The following IQUB variants were observed in gnomAD, a reference collection of about 807,000 sequenced individuals.
IQUB encodes the protein IQ motif and ubiquitin-like domain-containing protein.
In IQUB, 86 loss-of-function variants were observed where a neutral mutation model predicts 86.4. The ratio of observed to expected loss-of-function variants is 1.00; its 90% confidence interval spans 0.84 to 1.19. The LOEUF (loss-of-function observed/expected upper bound fraction) is 1.19, where lower values mean the gene tolerates loss of function less well. Ranked by LOEUF, IQUB falls within the 50% of genes most tolerant of loss-of-function variation. The probability of loss-of-function intolerance (pLI) is 0.00; values close to 1 mark genes in which losing one functional copy is unlikely to be tolerated. For synonymous variants in IQUB, 289 were observed against 304.5 expected, an observed-to-expected ratio of 0.95 and a Z score of 0.53; for missense variants, 946 against 916.9, an observed-to-expected ratio of 1.03 and a Z score of -0.41.
chr7:123,493,857 C>G (rs57674589), intron 7 of IQUB, among the ~76,000 whole-genome samples: 1 of 146,698 alleles, frequency 6.8e-6, no homozygotes, highest in African/African-American at 2.5e-5. Flanking sequence ...CACATATTTG[C>G]CAAAAACTAG....
chr7:123,496,744 T>C lies in IQUB; in HGVS notation c.1186A>G (p.Asn396Asp), dbSNP rs1455536136. ...WIKLDYHRRHNPKTNEDFEFL... is the reference protein window; with the variant it reads ...WIKLDYHRRHDPKTNEDFEFL... ...TCAAAATCTTCATTTGTTTTAGGATTATGCCTCCGGTGATAGTCCAATTTT... is the reference window on the plus strand; with the variant it reads ...TCAAAATCTTCATTTGTTTTAGGATCATGCCTCCGGTGATAGTCCAATTTT... Residue 396 changes from asparagine (N) to aspartate (D), a missense_variant, in exon 7 of 13, where the codon AAT becomes GAT. Transcript: ENST00000324698. 2 of 1,611,388 alleles carry C rather than the reference T, an allele frequency of 1.2e-6. No individual in the cohort carries two copies. The highest frequency in any genetic ancestry group is 1.7e-6 in the Non-Finnish European group (2 of 1,178,268).
chr7:123,527,541 C>T (rs2117372915), intron 1 of IQUB, among the ~76,000 whole-genome samples: 1 of 152,240 alleles, frequency 6.6e-6, no homozygotes, highest in South Asian at 2.1e-4. Context: ...ACAGACAGGA[C>T]CCTCGGCTGC....
intron 7 of IQUB, among the ~76,000 whole-genome samples, chr7:123,482,428 A>G (rs11976833): frequency 0.36 from 53,993 of 151,820 alleles, 9,698 homozygotes; most frequent in African/African-American, 0.36. Context: ...TCATATTGTA[A>G]TAGAAACCAG....
At chr7:123,477,282 C>T (rs536124021) in intron 8 of IQUB, among the ~76,000 whole-genome samples, 16 of 152,200 alleles carry the variant, frequency 1.1e-4, no homozygotes, top group African/African-American at 2.9e-4. Flanking sequence ...AGAAATAACA[C>T]GACACATCCA....
intron 3 of IQUB, 75 bp from the exon 4 acceptor site, chr7:123,503,438 T>A: frequency 1.3e-6 from 1 of 796,774 alleles, no homozygotes; most frequent in Non-Finnish European, 2.0e-6. Flanking sequence ...TTTTTGTTTT[T>A]AATTGACAAA....
intron 1 of IQUB, among the ~76,000 whole-genome samples, chr7:123,520,666 G>A (rs755189658): frequency 6.6e-6 from 1 of 152,086 alleles, no homozygotes; most frequent in Non-Finnish European, 1.5e-5. Context: ...AGCTAGAGAC[G>A]AGGTTGTGGG....
chr7:123,486,028 A>G (rs1015214674), intron 7 of IQUB, among the ~76,000 whole-genome samples: 6 of 152,120 alleles, frequency 3.9e-5, no homozygotes, highest in African/African-American at 1.4e-4. Flanking sequence ...GAGCCACACA[A>G]ACAGCTGGAA....
chr7:123,504,506 C>T (rs974873988), intron 3 of IQUB, among the ~76,000 whole-genome samples: 1 of 152,004 alleles, frequency 6.6e-6, no homozygotes, highest in African/African-American at 2.4e-5. Context: ...TGTATGGGAG[C>T]ATGGCTGGGG....
chr7:123,531,983 G>A (rs1439935699), intron 1 of IQUB, among the ~76,000 whole-genome samples: 2 of 152,148 alleles, frequency 1.3e-5, no homozygotes, highest in Admixed American at 1.3e-4. Context: ...ATCTATTCAC[G>A]CTGGCAAAGC....
intron 7 of IQUB, among the ~76,000 whole-genome samples, chr7:123,494,698 A>T (rs1401337376): frequency 4.6e-5 from 7 of 152,132 alleles, no homozygotes; most frequent in Admixed American, 4.6e-4. Flanking sequence ...GCATATGTAT[A>T]GGTCCTTGTA....
intron 12 of IQUB, chr7:123,457,017 C>G: frequency 4.4e-6 from 1 of 229,248 alleles, no homozygotes; most frequent in Non-Finnish European, 7.2e-6. Flanking sequence ...TTTATTCATT[C>G]AACAAATACT....
At chr7:123,499,426 CTGAGA>C (rs1203913914) in intron 6 of IQUB, among the ~76,000 whole-genome samples, 2 of 152,076 alleles carry the variant, frequency 1.3e-5, no homozygotes, top group East Asian at 1.9e-4. Context: ...CAAAATATTT[CTGAGA>C]TAAGTTCCAG....
At chr7:123,516,954 C>G (rs1009487063) in intron 1 of IQUB, among the ~76,000 whole-genome samples, 2 of 152,092 alleles carry the variant, frequency 1.3e-5, no homozygotes, top group Non-Finnish European at 2.9e-5. Flanking sequence ...ATAGATAAGA[C>G]TCCTGGGCCA....
At chr7:123,459,330 T>G (rs1480175050) in intron 11 of IQUB, among the ~76,000 whole-genome samples, 1 of 152,022 alleles carries the variant, frequency 6.6e-6, no homozygotes, top group Non-Finnish European at 1.5e-5. Flanking sequence ...GGTGTTTATG[T>G]GAGGGTAGTT....
intron 10 of IQUB, chr7:123,462,705 T>TATC (rs1794053490): frequency 8.9e-6 from 3 of 335,842 alleles, no homozygotes; most frequent in African/African-American, 2.3e-5. Flanking sequence ...ATGATTATTT[T>TATC]ATCTTCATGC....
chr7:123,496,748 C>T lies in IQUB; in HGVS notation c.1182G>A (p.Arg394=), dbSNP rs1299074451. 6.2e-7 allele frequency: 1 copy of T among 1,610,944 alleles called. No individual in the cohort carries two copies. Among genetic ancestry groups the T allele is most frequent in the Admixed American group, 1.7e-5 (1 of 59,792 alleles). ...EEWIKLDYHR[R]HNPKTNEDFE... ...AATCTTCATTTGTTTTAGGATTATG[C>T]CTCCGGTGATAGTCCAATTTTATCC... The change falls in exon 7 of 13, where the codon AGG becomes AGA. Residue 394 remains arginine, a synonymous_variant. Transcript: ENST00000324698.
intron 6 of IQUB, chr7:123,501,285 T>C (rs1795931412): frequency 6.6e-6 from 1 of 152,368 alleles, no homozygotes; most frequent in Non-Finnish European, 1.5e-5. Flanking sequence ...GAGTTTATGA[T>C]TCTGATGACA....
chr7:123,476,865 G>A (rs934615693), intron 8 of IQUB, among the ~76,000 whole-genome samples: 1 of 152,064 alleles, frequency 6.6e-6, no homozygotes, highest in Middle Eastern at 3.4e-3. Flanking sequence ...GAGGTATTAG[G>A]AATCCAACTT....
At chr7:123,497,693 T>C (rs114735254) in intron 6 of IQUB, among the ~76,000 whole-genome samples, 1,771 of 151,294 alleles carry the variant, frequency 0.012, 31 homozygotes, top group African/African-American at 0.04. Flanking sequence ...ATGCATCCCT[T>C]ACTCTCATCC....
Sources: gnomAD v4.1 joint callset for allele counts (sites outside exome capture counted in the v4.1 genomes callset) on GRCh38, gnomAD v4.1.1 for gene constraint, MANE v1.5 for transcripts, NCBI Gene and HGNC (gene_info 2026-07-23, HGNC 2026-07-21) for gene names.